CRISP3: variants seen among roughly 807,000 people sequenced by gnomAD.
The protein encoded by CRISP3 is cysteine-rich secretory protein 3.
In CRISP3, 33 loss-of-function variants were observed where a neutral mutation model predicts 36.1. That is an observed-to-expected ratio of 0.91 (90% CI 0.69 to 1.22). CRISP3 has a LOEUF of 1.22. CRISP3 is among the 50% of genes most tolerant of loss of function. CRISP3 has a pLI of 0.00. For synonymous variants in CRISP3, 117 were observed against 104.6 expected, an observed-to-expected ratio of 1.12 and a Z score of -0.72; for missense variants, 330 against 301.2, an observed-to-expected ratio of 1.10 and a Z score of -0.71.
At chr6:49,742,631 C>CA (rs33995764) in intron 1 of CRISP3, among the ~76,000 whole-genome samples, 2,297 of 70,302 alleles carry the variant, frequency 0.033, 88 homozygotes, top group African/African-American at 0.085. Context: ...GACTCCATCT[C>CA]AAAAAAAAAA....
At chr6:49,741,263 C>G (rs1168607547) in intron 1 of CRISP3, among the ~76,000 whole-genome samples, 10 of 151,882 alleles carry the variant, frequency 6.6e-5, no homozygotes, top group Admixed American at 6.6e-4. Flanking sequence ...TTCTTACTCC[C>G]TAGTGTTGTA....
At position 49,728,509 on chromosome 6, in the gene CRISP3, C is replaced by A; in HGVS notation, c.*221G>T. The A allele has an allele frequency of 3.0e-6, 1 of 334,986 alleles. No homozygotes were observed. The highest frequency in any genetic ancestry group is 5.3e-6 in the Non-Finnish European group (1 of 189,512). The allele number at this position is 334,986 out of a possible 1,614,324, so 20.8% of individuals were successfully genotyped here. A position where few individuals can be genotyped will look rare whatever the true frequency, so the allele number is the denominator to read the frequency against. On this transcript the variant is annotated 3_prime_UTR_variant, in exon 8 of 8. Transcript: ENST00000263045. ...AATCACAAAGTTTATATATAAAAAT[C>A]CAAAGTTGTTGTTATAGATTTTGTT...
In CRISP3 at chr6:49,728,855, T is replaced by C; in HGVS notation, c.652A>G (p.Asn218Asp). The change falls in exon 8 of 8, where the codon AAT (asparagine) becomes GAT (aspartate). Residue 218 changes from asparagine to aspartate, a missense_variant and splice_region_variant. Coordinates refer to ENST00000263045, the MANE Select transcript of CRISP3 (RefSeq NM_006061.4). The stretch of plus-strand genomic sequence containing the variant: ...TAGAGATCTTCGTACTTGCAACCAT[T>C]GGCTGGAATAAAAACAAAGAAATTA... ...PDNCDDGLCT[N>D]GCKYEDLYSN... is the part of the protein sequence containing the mutation. The C allele has an allele frequency of 6.2e-7, 1 of 1,605,240 alleles. No individual in the cohort carries two copies. Among genetic ancestry groups the C allele is most frequent in the South Asian group, 1.1e-5 (1 of 88,872 alleles).
chr6:49,741,280 A>G (rs1187431308), intron 1 of CRISP3, among the ~76,000 whole-genome samples: 1 of 152,080 alleles, frequency 6.6e-6, no homozygotes, highest in African/African-American at 2.4e-5. Context: ...TGTATGGTTC[A>G]AATTAGCTTG....
At chr6:49,731,551 A>G (rs1234156242) in intron 6 of CRISP3, among the ~76,000 whole-genome samples, 1 of 152,212 alleles carries the variant, frequency 6.6e-6, no homozygotes, top group African/African-American at 2.4e-5. Context: ...CTCCCAACAG[A>G]CTTCGTCAAA....
chr6:49,735,808 A>G (rs776174604), intron 3 of CRISP3, among the ~76,000 whole-genome samples: 8 of 152,166 alleles, frequency 5.3e-5, no homozygotes, highest in Non-Finnish European at 8.8e-5. Context: ...TAATCAAAAA[A>G]TCTAGGTTTA....
chr6:49,735,368 C>T, intron 4 of CRISP3, 136 bp downstream of exon 4: 1 of 638,076 alleles, frequency 1.6e-6, no homozygotes, highest in Non-Finnish European at 2.7e-6. Context: ...GTTATCTCTA[C>T]ATGTAGATAG....
rs1315082738 is a variant in CRISP3 at position 49,728,004 on chromosome 6, G to A, written c.*726C>T. On this transcript the variant is annotated 3_prime_UTR_variant, in exon 8 of 8. Coordinates refer to ENST00000263045, the MANE Select transcript of CRISP3 (RefSeq NM_006061.4). ...GAAGACTCACAAGGGAGAGGACTGA[G>A]TTCTACCTCCTTGAGTGGAGGGTAT... 6.6e-6 allele frequency: 1 copy of A among 152,124 alleles called. No homozygotes were observed. The highest frequency in any genetic ancestry group is 6.6e-5 in the Admixed American group (1 of 15,260). 9.4% of individuals were successfully genotyped at this position (152,124 alleles called of 1,614,324 possible). A position where few individuals can be genotyped will look rare whatever the true frequency, so the allele number is the denominator to read the frequency against.
intron 7 of CRISP3, among the ~76,000 whole-genome samples, chr6:49,729,947 A>G (rs1167128611): frequency 6.6e-6 from 1 of 152,138 alleles, no homozygotes; most frequent in Non-Finnish European, 1.5e-5. Context: ...ATTATTACTA[A>G]TAAGATAAAT....
intron 1 of CRISP3, 131 bp downstream of exon 1, chr6:49,744,200 G>T (rs2127454564): frequency 1.7e-6 from 1 of 586,086 alleles, no homozygotes; most frequent in South Asian, 3.1e-5. Context: ...CTCATTAAAA[G>T]TTATCAATAA....
At chr6:49,742,540 G>A (rs1172025060) in intron 1 of CRISP3, among the ~76,000 whole-genome samples, 4 of 149,452 alleles carry the variant, frequency 2.7e-5, no homozygotes. Flanking sequence ...GCTGAGGCAG[G>A]AGAATTGCTT....
intron 1 of CRISP3, among the ~76,000 whole-genome samples, chr6:49,740,575 ATGTGTGTGTGTGTG>A (rs35601509): frequency 9.9e-5 from 14 of 141,454 alleles, no homozygotes; most frequent in Admixed American, 1.4e-4. Context: ...GTGTATATGG[ATGTGTGTGTGTGTG>A]TGTGTGTGTG....
At chr6:49,732,649 T>A (rs1180310854) in intron 6 of CRISP3, among the ~76,000 whole-genome samples, 1 of 152,230 alleles carries the variant, frequency 6.6e-6, no homozygotes, top group Non-Finnish European at 1.5e-5. Flanking sequence ...AGACATTATC[T>A]TTTCTTGGCT....
chr6:49,743,272 G>A (rs1769252748), intron 1 of CRISP3, among the ~76,000 whole-genome samples: 1 of 152,044 alleles, frequency 6.6e-6, no homozygotes, highest in Admixed American at 6.6e-5. Flanking sequence ...CATTACTTGA[G>A]AATTCTGACA....
rs969195306 is a variant in CRISP3, at chr6:49,728,448, T to C, written c.*282A>G. On this transcript the variant is annotated 3_prime_UTR_variant, in exon 8 of 8. Transcript: ENST00000263045. The stretch of plus-strand genomic sequence containing the variant: ...ACTTAGTCATATGAGAATACAACTT[T>C]CAAAATTTTCACCCTAATTAAATTC... 36 of 218,426 alleles carry C rather than the reference T, an allele frequency of 1.6e-4. No individual in the cohort carries two copies. Among genetic ancestry groups the C allele is most frequent in the Non-Finnish European group, 2.7e-5 (3 of 112,340 alleles). The allele number at this position is 218,426 out of a possible 1,614,324, so 13.5% of individuals were successfully genotyped here.
chr6:49,729,039 T>C (rs1281030718), intron 7 of CRISP3, among the ~76,000 whole-genome samples, 182 bp from the exon 8 acceptor site: 1 of 152,136 alleles, frequency 6.6e-6, no homozygotes, highest in Non-Finnish European at 1.5e-5. Context: ...AACACGCTGA[T>C]TCTTTTTTAA....
chr6:49,735,963 C>T (rs887424301), intron 3 of CRISP3, among the ~76,000 whole-genome samples: 1 of 151,980 alleles, frequency 6.6e-6, no homozygotes, highest in South Asian at 2.1e-4. Context: ...ATTTCCAGTT[C>T]TTTTTTTCTT....
At chr6:49,733,104 C>T (rs1768954697) in intron 6 of CRISP3, 91 bp downstream of exon 6, 1 of 692,164 alleles carries the variant, frequency 1.4e-6, no homozygotes. Context: ...ATCTCCTTCA[C>T]CTTTACTTAA....
At chr6:49,731,647 G>T (rs559001211) in intron 6 of CRISP3, among the ~76,000 whole-genome samples, 2 of 152,134 alleles carry the variant, frequency 1.3e-5, no homozygotes, top group African/African-American at 2.4e-5. Flanking sequence ...AGCACAGAAG[G>T]TTGCAATATG....
Sources: allele counts gnomAD v4.1 joint callset (sites outside exome capture counted in the v4.1 genomes callset), GRCh38; gene constraint gnomAD v4.1.1; transcripts MANE v1.5; gene names NCBI Gene and HGNC (gene_info 2026-07-23, HGNC 2026-07-21).